The following IP6K1 variants were observed in gnomAD, a reference collection of about 807,000 sequenced individuals.
The protein encoded by IP6K1 is ATP:1D-myo-inositol-hexakisphosphate phosphotransferase.
IP6K1 carries 13 observed loss-of-function variants against 38.3 expected under a neutral mutation model. The observed-to-expected ratio is 0.34, with a 90% CI of 0.22 to 0.54. The LOEUF (loss-of-function observed/expected upper bound fraction) is 0.54, where lower values mean the gene tolerates loss of function less well. IP6K1 is among the 20% of genes least tolerant of loss of function. The pLI, the probability that IP6K1 is intolerant of heterozygous loss-of-function variation, is 0.92. For missense variants in IP6K1, 397 were observed against 599.8 expected (o/e 0.66, Z 3.53); for synonymous variants, 212 against 229.9 (o/e 0.92, Z 0.70).
chr3:49,752,589 C>A (rs2080788005), intron 1 of IP6K1, among the ~76,000 whole-genome samples: 1 of 151,456 alleles, frequency 6.6e-6, no homozygotes, highest in African/African-American at 2.4e-5. Context: ...ATGGTGCAAT[C>A]TCGGCTCACC....
intron 1 of IP6K1, among the ~76,000 whole-genome samples, chr3:49,784,946 A>AAAAAC (rs768787067): frequency 4.3e-4 from 66 of 152,252 alleles, no homozygotes; most frequent in African/African-American, 5.8e-4. Context: ...TCCATCTCAA[A>AAAAAC]AAAACAAAAC....
intron 1 of IP6K1, among the ~76,000 whole-genome samples, chr3:49,782,703 T>C (rs1175643598): frequency 1.3e-5 from 2 of 150,266 alleles, no homozygotes; most frequent in East Asian, 2.0e-4. Context: ...CCTAGCTACT[T>C]TGGAAGCTGA....
At chr3:49,731,998 G>A (rs987821554) in intron 4 of IP6K1, among the ~76,000 whole-genome samples, 5 of 151,922 alleles carry the variant, frequency 3.3e-5, no homozygotes, top group African/African-American at 1.2e-4. Context: ...ATGTAGTGGT[G>A]CAATCATGGC....
intron 4 of IP6K1, among the ~76,000 whole-genome samples, chr3:49,729,642 A>C (rs553239860): frequency 6.6e-6 from 1 of 152,112 alleles, no homozygotes; most frequent in East Asian, 1.9e-4. Context: ...CCCCGACCTC[A>C]AGTGATCTGC....
chr3:49,776,182 A>G (rs527959102), intron 1 of IP6K1, among the ~76,000 whole-genome samples: 179 of 152,106 alleles, frequency 1.2e-3, no homozygotes, highest in Non-Finnish European at 2.1e-3. Flanking sequence ...TTTTCTGGTA[A>G]AATAAATAAA....
intron 1 of IP6K1, among the ~76,000 whole-genome samples, chr3:49,750,583 T>C (rs548701275): frequency 2.7e-4 from 41 of 151,904 alleles, no homozygotes; most frequent in African/African-American, 8.9e-4. Context: ...GCCTGTAATC[T>C]CAGCTACTTG....
chr3:49,756,004 A>G (rs535174071), intron 1 of IP6K1, among the ~76,000 whole-genome samples: 1 of 152,328 alleles, frequency 6.6e-6, no homozygotes, highest in Non-Finnish European at 1.5e-5. Context: ...TGTCAACCCT[A>G]CTTGGAACCT....
rs1425855464 is a variant in IP6K1 at position 49,772,217 on chromosome 3, A to C, written c.-129+14137T>G. Among the ~76,000 whole-genome samples the C allele has an allele frequency of 2.2e-5, 3 of 135,666 alleles. No individual in the cohort carries two copies. The Admixed American group carries it at 2.2e-4, about 10-fold the overall frequency. The allele number at this position is 135,666 out of a possible 152,430, so 89.0% of individuals were successfully genotyped here. A position where few individuals can be genotyped will look rare whatever the true frequency, so the allele number is the denominator to read the frequency against. On this transcript the variant is annotated intron_variant, in intron 1 of 5. Coordinates refer to ENST00000321599, the MANE Select transcript of IP6K1 (RefSeq NM_153273.4). ...GACAAAACAAGACCCTTTCCCTTAAAAAAAAAAATATATATATATATATAT... is the reference window on the plus strand; with the variant it reads ...GACAAAACAAGACCCTTTCCCTTAACAAAAAAAATATATATATATATATAT...
In IP6K1 at chr3:49,727,040, C is replaced by T. The variant is rs2080511084; in HGVS notation, c.*82G>A. The T allele has an allele frequency of 7.4e-7, 1 of 1,343,234 alleles. No homozygotes were observed. Among genetic ancestry groups the T allele is most frequent in the Non-Finnish European group, 1.0e-6 (1 of 977,952 alleles). 83.2% of individuals were successfully genotyped at this position (1,343,234 alleles called of 1,614,324 possible). ...GAAATATAACCCTTTAAAAGCAAGTCTGTGTGTCCTCACGGCAAGTTCAGA... is the reference window on the plus strand; with the variant it reads ...GAAATATAACCCTTTAAAAGCAAGTTTGTGTGTCCTCACGGCAAGTTCAGA... On this transcript the variant is annotated 3_prime_UTR_variant, in exon 6 of 6. Transcript: ENST00000321599. This position sits in a 1 kb window ranked among gnomAD's most constrained non-coding sequence, Gnocchi z 5.9.
chr3:49,766,027 T>A (rs1351661670), intron 1 of IP6K1, among the ~76,000 whole-genome samples: 1 of 151,884 alleles, frequency 6.6e-6, no homozygotes, highest in African/African-American at 2.4e-5. Flanking sequence ...ATACAAAAAA[T>A]TAGCCAGGTG....
At chr3:49,730,569 T>G (rs1241012273) in intron 4 of IP6K1, among the ~76,000 whole-genome samples, 1 of 152,130 alleles carries the variant, frequency 6.6e-6, no homozygotes, top group Non-Finnish European at 1.5e-5. Flanking sequence ...TTTTTTAGGA[T>G]GCAGTCTTGC....
At chr3:49,736,277 G>A (rs562838055) in intron 3 of IP6K1, among the ~76,000 whole-genome samples, 29 of 152,052 alleles carry the variant, frequency 1.9e-4, no homozygotes, top group Non-Finnish European at 3.7e-4. Flanking sequence ...GAATTCACAA[G>A]ATTGTAAAAC....
At chr3:49,738,067 G>C in intron 3 of IP6K1, 145 bp downstream of exon 3, 2 of 661,240 alleles carry the variant, frequency 3.0e-6, no homozygotes, top group African/African-American at 1.8e-5. Flanking sequence ...GTGACACAGA[G>C]AAGAGGCTAC....
intron 1 of IP6K1, among the ~76,000 whole-genome samples, chr3:49,768,512 G>A (rs2080930429): frequency 6.6e-6 from 1 of 152,176 alleles, no homozygotes; most frequent in African/African-American, 2.4e-5. Flanking sequence ...GCTTAAGCCT[G>A]TAATTCCAGC....
intron 1 of IP6K1, chr3:49,758,664 A>G (rs2080844479): frequency 6.6e-6 from 1 of 152,224 alleles, no homozygotes; most frequent in Non-Finnish European, 1.5e-5. Context: ...TAATTTTGGA[A>G]TATAAGGAGT....
At chr3:49,776,293 G>A (rs1043298135) in intron 1 of IP6K1, among the ~76,000 whole-genome samples, 1 of 152,112 alleles carries the variant, frequency 6.6e-6, no homozygotes, top group Non-Finnish European at 1.5e-5. Context: ...GAGATGGGCA[G>A]ATCACTTGAA....
intron 1 of IP6K1, among the ~76,000 whole-genome samples, chr3:49,772,857 A>T (rs1351661014): frequency 1.5e-5 from 2 of 136,768 alleles, no homozygotes; most frequent in East Asian, 4.4e-4. Flanking sequence ...ACAGAGTCTC[A>T]CTCTCACCCA....
intron 1 of IP6K1, among the ~76,000 whole-genome samples, chr3:49,776,832 C>T (rs2081020561): frequency 6.6e-6 from 1 of 152,108 alleles, no homozygotes. Context: ...TTCTAAGAAA[C>T]GCAAATTTAA....
intron 2 of IP6K1, among the ~76,000 whole-genome samples, chr3:49,743,932 C>T (rs2080697370): frequency 1.3e-5 from 2 of 151,756 alleles, no homozygotes; most frequent in Admixed American, 1.3e-4. Context: ...GCCATGGTTT[C>T]GAGGCTGCAG....
Sources: gnomAD v4.1 joint callset for allele counts (sites outside exome capture counted in the v4.1 genomes callset) on GRCh38, gnomAD v4.1.1 for gene constraint, Gnocchi (gnomAD v3.1) non-coding constraint, MANE v1.5 for transcripts, NCBI Gene and HGNC (gene_info 2026-07-23, HGNC 2026-07-21) for gene names.